STXBP2: variants seen among roughly 807,000 people sequenced by gnomAD.
STXBP2 encodes syntaxin-binding protein 2.
In STXBP2, 47 loss-of-function variants were observed where a neutral mutation model predicts 72.2. That is an observed-to-expected ratio of 0.65 (90% CI 0.51 to 0.83). The LOEUF (loss-of-function observed/expected upper bound fraction) is 0.83, where lower values mean the gene tolerates loss of function less well. Ranked by LOEUF, STXBP2 falls within the 40% of genes least tolerant of loss-of-function variation. The pLI is 0.00. For synonymous variants in STXBP2, 367 were observed against 338.7 expected (o/e 1.08, Z -0.92); for missense variants, 702 against 807.6 (o/e 0.87, Z 1.58).
chr19:7,636,178 G>A (rs2031524716), upstream of STXBP2: 1 of 152,284 alleles, frequency 6.6e-6, no homozygotes, highest in Non-Finnish European at 1.5e-5. Context: ...TATGTCCCAT[G>A]TAAGTGGCAG....
chr19:7,640,111 T>C (rs2031754912), intron 4 of STXBP2: 1 of 594,600 alleles, frequency 1.7e-6, no homozygotes, highest in Non-Finnish European at 3.1e-6. Flanking sequence ...TGTCTGTGCA[T>C]GTGTGTATGC....
intron 16 of STXBP2, chr19:7,646,579 C>A: frequency 8.2e-6 from 5 of 610,312 alleles, no homozygotes; most frequent in Non-Finnish European, 1.5e-5. Context: ...CCGGCTGCCT[C>A]CGCTATATCT....
intron 3 of STXBP2, chr19:7,639,342 T>G: frequency 1.6e-6 from 1 of 621,210 alleles, no homozygotes. Context: ...CTGCAGCCCC[T>G]TCCTGACCGT....
chr19:7,643,310 T>C, intron 13 of STXBP2, 65 bp downstream of exon 13: 1 of 1,495,788 alleles, frequency 6.7e-7, no homozygotes, highest in South Asian at 1.2e-5. Flanking sequence ...GGGGAGGGGC[T>C]GAACTGTAGA....
At chr19:7,647,311 G>C in intron 17 of STXBP2, 43 bp from the exon 18 acceptor site, 1 of 1,612,012 alleles carries the variant, frequency 6.2e-7, no homozygotes, top group Non-Finnish European at 8.5e-7. Context: ...CCTGGCGGCG[G>C]TGAGGGCCTC....
At position 7,641,815 on chromosome 19, in the gene STXBP2, C is replaced by A. The variant is rs142899327; in HGVS notation, c.540C>A (p.Cys180Ter). 26 of 1,551,872 alleles carry A rather than the reference C, an allele frequency of 1.7e-5. No individual in the cohort carries two copies. Among genetic ancestry groups the A allele is most frequent in the Non-Finnish European group, 2.0e-5 (23 of 1,148,130 alleles). Residue 180 changes from cysteine (C) to a stop codon, truncating the protein, a stop_gained, in exon 7 of 19, where the codon TGC (cysteine) becomes TGA (stop). Coordinates refer to ENST00000221283, the MANE Select transcript of STXBP2 (RefSeq NM_006949.4). LOFTEE classifies it high-confidence loss of function. ...TGGCCCAGCAGATTGCCACGCTGTG[C>A]GCCACCCTGCAGGAGTACCCGGCCA... Reference protein sequence around the residue: ...EVLAQQIATLCATLQEYPAIR... With the variant: ...EVLAQQIATL
At chr19:7,647,638 C>G in intron 18 of STXBP2, 87 bp from the exon 19 acceptor site, 5 of 1,597,400 alleles carry the variant, frequency 3.1e-6, no homozygotes, top group Non-Finnish European at 4.3e-6. Flanking sequence ...GGGACAGGGA[C>G]AGCCCCACAC....
rs1400021442 is a variant in STXBP2 at position 7,647,826 on chromosome 19, C to T, written c.*16C>T. 6.3e-7 allele frequency: 1 copy of T among 1,597,038 alleles called. No homozygotes were observed. Among genetic ancestry groups the T allele is most frequent in the South Asian group, 1.1e-5 (1 of 90,810 alleles). On this transcript the variant is annotated 3_prime_UTR_variant, in exon 19 of 19. Transcript: ENST00000221283. ...CCTGCCCTGACCCCTGGCCCCGCCCCCTACCCCTCCCTTTCCAGAGAAATA... is the reference window on the plus strand; with the variant it reads ...CCTGCCCTGACCCCTGGCCCCGCCCTCTACCCCTCCCTTTCCAGAGAAATA...
chr19:7,639,876 G>GCACA, intron 4 of STXBP2, 69 bp downstream of exon 4: 6 of 1,489,630 alleles, frequency 4.0e-6, no homozygotes, highest in Non-Finnish European at 4.6e-6. Flanking sequence ...GTGTATGTCT[G>GCACA]CATGCATGTG....
chr19:7,637,041 C>T (rs2031563229), upstream of STXBP2: 3 of 1,173,774 alleles, frequency 2.6e-6, no homozygotes, highest in Non-Finnish European at 3.2e-6. Flanking sequence ...GCCAGGTGCG[C>T]AGGGGGCGGG....
upstream of STXBP2, among the ~76,000 whole-genome samples, chr19:7,635,466 A>G (rs762692171): frequency 1.3e-5 from 2 of 152,226 alleles, no homozygotes; most frequent in Non-Finnish European, 2.9e-5. Flanking sequence ...AGGCCAAGGC[A>G]GGAGGATCCC....
intron 1 of STXBP2, 22 bp downstream of exon 1, chr19:7,637,208 G>T: frequency 8.1e-7 from 1 of 1,242,138 alleles, no homozygotes. Flanking sequence ...TCCGGGGCCG[G>T]GCTCTGGCGT....
At chr19:7,638,229 G>T in intron 1 of STXBP2, among the ~76,000 whole-genome samples, 1 of 152,250 alleles carries the variant, frequency 6.6e-6, no homozygotes, top group East Asian at 1.9e-4. Flanking sequence ...GCGTAGGTGA[G>T]TTACATGTTG....
chr19:7,638,869 TC>T, intron 2 of STXBP2, 94 bp downstream of exon 2: 1 of 1,587,552 alleles, frequency 6.3e-7, no homozygotes, highest in Non-Finnish European at 8.6e-7. Context: ...GAACTGCCTG[TC>T]CACATGGGTG....
the STXBP2 span, chr19:7,630,759 C>G: frequency 4.6e-6 from 7 of 1,536,324 alleles, no homozygotes; most frequent in Admixed American, 2.0e-5. Context: ...ATAAGCCGAC[C>G]CTGCCCTGAT....
chr19:7,638,996 C>A, intron 2 of STXBP2, 23 bp from the exon 3 acceptor site: 1 of 1,613,770 alleles, frequency 6.2e-7, no homozygotes, highest in African/African-American at 1.3e-5. Flanking sequence ...CTCCTCCATC[C>A]ATCTGTCCAT....
Position 7,641,748 on chromosome 19 carries a change from GCCCCTTCC to G in STXBP2, c.474_481del (p.Cys158TrpfsTer78), listed in dbSNP as rs747939788. ...CCCCACAGCACCTACAACCTCTACT[GCCCCTTCC>G]GGGCAGAGGAGCGCACGCGGCAGCT... On this transcript the variant is annotated frameshift_variant, in exon 7 of 19. Coordinates refer to ENST00000221283, the MANE Select transcript of STXBP2 (RefSeq NM_006949.4). LOFTEE classifies it high-confidence loss of function. 3.5e-5 allele frequency: 55 copies of G among 1,552,982 alleles called. No homozygotes were observed. Among genetic ancestry groups the G allele is most frequent in the Non-Finnish European group, 1.1e-5 (13 of 1,148,414 alleles).
Position 7,640,171 on chromosome 19 carries a change from TGC to T in STXBP2, c.246+366_246+367del, listed in dbSNP as rs771206211. 4 of 551,144 alleles carry T rather than the reference TGC, an allele frequency of 7.3e-6. 1 individual carries two copies. In the Admixed American group the frequency reaches 9.1e-5, roughly 13 times the overall value. 34.1% of individuals were successfully genotyped at this position (551,144 alleles called of 1,614,324 possible). A position where few individuals can be genotyped will look rare whatever the true frequency, so the allele number is the denominator to read the frequency against. On this transcript the variant is annotated intron_variant, in intron 4 of 18. Transcript: ENST00000221283. ...CTGTGTGCATCTGTATGTGTGTGTGTGCGTCTGTCTGTGTGCATGTGTGTATG... is the reference window on the plus strand; with the variant it reads ...CTGTGTGCATCTGTATGTGTGTGTGTGTCTGTCTGTGTGCATGTGTGTATG...
intron 1 of STXBP2, among the ~76,000 whole-genome samples, chr19:7,637,847 C>T (rs572998206): frequency 6.6e-6 from 1 of 152,348 alleles, no homozygotes; most frequent in African/African-American, 2.4e-5. Context: ...GGGGCCACCC[C>T]GTTACTTCTC....
Sources: allele counts gnomAD v4.1 joint callset (sites outside exome capture counted in the v4.1 genomes callset), GRCh38; gene constraint gnomAD v4.1.1; transcripts MANE v1.5; gene names NCBI Gene and HGNC (gene_info 2026-07-23, HGNC 2026-07-21).